Variants in ALDH1L1 observed in about 807,000 individuals in gnomAD.
ALDH1L1 encodes cytosolic 10-formyltetrahydrofolate dehydrogenase.
Under a neutral mutation model 101.1 loss-of-function variants are expected in ALDH1L1, and 68 were observed. The ratio of observed to expected loss-of-function variants is 0.67; its 90% CI spans 0.55 to 0.82. The LOEUF is 0.82. Among genes scored for constraint, ALDH1L1 ranks in the 40% least tolerant of loss-of-function variants. The pLI, the probability that ALDH1L1 is intolerant of heterozygous loss-of-function variation, is 0.00. For synonymous variants in ALDH1L1, 486 were observed against 470.8 expected (o/e 1.03, Z -0.42); for missense variants, 1,087 against 1,172.7 (o/e 0.93, Z 1.07).
upstream of ALDH1L1, among the ~76,000 whole-genome samples, chr3:126,185,884 C>T (rs2081514598): frequency 6.6e-6 from 1 of 152,346 alleles, no homozygotes; most frequent in Non-Finnish European, 1.5e-5. Flanking sequence ...TTCTGACACA[C>T]ATTACAACAT....
At chr3:126,185,353 C>T (rs186930582), upstream of ALDH1L1, among the ~76,000 whole-genome samples, 24 of 152,312 alleles carry the variant, frequency 1.6e-4, no homozygotes, top group Middle Eastern at 6.8e-3. Flanking sequence ...GAGGCAGGGA[C>T]GGTGTCTCTA....
chr3:126,140,063 G>T (rs74800739), intron 9 of ALDH1L1, among the ~76,000 whole-genome samples: 533 of 150,866 alleles, frequency 3.5e-3, no homozygotes, highest in African/African-American at 0.013. Context: ...GACATACAAT[G>T]AATGAAGTCC....
chr3:126,123,879 A>C (rs2080127109), intron 16 of ALDH1L1, among the ~76,000 whole-genome samples: 1 of 152,220 alleles, frequency 6.6e-6, no homozygotes. Flanking sequence ...AAATCCAAAA[A>C]GGAGATAAAA....
intron 4 of ALDH1L1, among the ~76,000 whole-genome samples, chr3:126,156,894 C>A (rs77721801): frequency 0.03 from 4,632 of 152,238 alleles, 268 homozygotes; most frequent in African/African-American, 0.1. Flanking sequence ...GAATTAGAAT[C>A]CTTGAGCTAT....
Position 126,114,611 on chromosome 3 carries a change from C to A in ALDH1L1, c.2028G>T (p.Gly676=). 6.6e-7 allele frequency: 1 copy of A among 1,515,662 alleles called. No individual in the cohort carries two copies. Among genetic ancestry groups the A allele is most frequent in the African/African-American group, 1.4e-5 (1 of 71,848 alleles). The allele number at this position is 1,515,662 out of a possible 1,614,324, so 93.9% of individuals were successfully genotyped here. The change falls in exon 18 of 23, where the codon GGG becomes GGT. Residue 676 remains glycine, a synonymous_variant. Transcript: ENST00000393434. The part of the protein sequence containing the change: ...NVKKVSLELG[G]KSPLIIFADC... ...CAGCAAAGATGATGAGGGGTGACTT[C>A]CCGCCCAGTTCCAGGGACACCTTCT... is the stretch of plus-strand genomic sequence containing the variant.
chr3:126,197,460 C>A (rs190704616), intron 1 of ALDH1L1, among the ~76,000 whole-genome samples: 6 of 152,250 alleles, frequency 3.9e-5, no homozygotes, highest in African/African-American at 1.4e-4. Context: ...ACACCCCCTG[C>A]AATATTACCA....
At chr3:126,153,870 GA>G (rs1470259198) in intron 6 of ALDH1L1, among the ~76,000 whole-genome samples, 1 of 152,254 alleles carries the variant, frequency 6.6e-6, no homozygotes, top group Non-Finnish European at 1.5e-5. Flanking sequence ...CAGACTGGGG[GA>G]GAATGTGCTC....
intron 19 of ALDH1L1, among the ~76,000 whole-genome samples, chr3:126,111,990 C>G (rs561334164): frequency 2.6e-5 from 4 of 152,318 alleles, no homozygotes; most frequent in African/African-American, 7.2e-5. Context: ...CACTCTGGCA[C>G]CATGTGGTGA....
chr3:126,171,411 G>C (rs938899077), intron 1 of ALDH1L1, among the ~76,000 whole-genome samples: 3 of 152,176 alleles, frequency 2.0e-5, no homozygotes, highest in Non-Finnish European at 2.9e-5. Flanking sequence ...CACAGAAGCA[G>C]TCCAAGCCTC....
intron 19 of ALDH1L1, 107 bp downstream of exon 19, chr3:126,112,675 G>A (rs1946116408): frequency 2.8e-6 from 3 of 1,072,448 alleles, no homozygotes; most frequent in Admixed American, 1.8e-5. Context: ...TCCAGGAGGA[G>A]CCCAGCCTCA....
In ALDH1L1 at chr3:126,114,651, G is replaced by A. The variant is rs267599590; in HGVS notation, c.1988C>T (p.Ala663Val). Residue 663 changes from alanine to valine, a missense_variant, in exon 18 of 23, where the codon GCC (alanine) becomes GTC (valine). Ala to Val is a moderately conservative substitution (Grantham distance 64). Coordinates refer to ENST00000393434, the MANE Select transcript of ALDH1L1 (RefSeq NM_012190.4). ...EVGKHIMKSCAISNVKKVSLE... is the reference protein window; with the variant it reads ...EVGKHIMKSCVISNVKKVSLE... ...GGACACCTTCTTCACGTTACTTATG[G>A]CACAGCTGCAAGGAACAGAGGGCTG... 6.6e-7 allele frequency: 1 copy of A among 1,525,716 alleles called. No individual in the cohort carries two copies. Among genetic ancestry groups the A allele is most frequent in the South Asian group, 1.3e-5 (1 of 76,624 alleles). 94.5% of individuals were successfully genotyped at this position (1,525,716 alleles called of 1,614,324 possible).
intron 9 of ALDH1L1, among the ~76,000 whole-genome samples, chr3:126,142,623 A>T (rs2080589204): frequency 6.6e-6 from 1 of 152,244 alleles, no homozygotes; most frequent in African/African-American, 2.4e-5. Context: ...GCAGAAAAAG[A>T]ATTTGACAAA....
chr3:126,153,418 C>T (rs41266445), intron 7 of ALDH1L1, 26 bp downstream of exon 7: 89,123 of 1,611,290 alleles, frequency 0.055, 2,962 homozygotes, highest in African/African-American at 0.12. Context: ...TTTGAGCAGG[C>T]AAGTGACCCA....
chr3:126,163,473 T>C (rs1318685220), intron 1 of ALDH1L1, among the ~76,000 whole-genome samples: 1 of 152,228 alleles, frequency 6.6e-6, no homozygotes, highest in Non-Finnish European at 1.5e-5. Context: ...CACTACAATA[T>C]TGAATACAGA....
At chr3:126,111,431 G>A (rs1009980767) in intron 19 of ALDH1L1, among the ~76,000 whole-genome samples, 12 of 152,358 alleles carry the variant, frequency 7.9e-5, no homozygotes, top group African/African-American at 2.9e-4. Flanking sequence ...CTGCCCCTGA[G>A]TCTCACTGCA....
At chr3:126,146,697 C>G in intron 9 of ALDH1L1, 138 bp downstream of exon 9, 1 of 833,150 alleles carries the variant, frequency 1.2e-6, no homozygotes, top group South Asian at 1.7e-5. Context: ...CGCAGACCTG[C>G]ACACTGGCCC....
chr3:126,170,568 C>T lies in ALDH1L1; in HGVS notation c.-23-9566G>A, dbSNP rs187333620. ...TTAACCGACAGAATCATGGCCATTT[C>T]GCAACTACCCAAAAACATCTACAAA... On this transcript the variant is annotated intron_variant, in intron 1 of 22. Transcript: ENST00000393434. Among the ~76,000 whole-genome samples, 626 of 152,154 alleles carry T rather than the reference C, an allele frequency of 4.1e-3. 5 individuals carry two copies. Among genetic ancestry groups the T allele is most frequent in the African/African-American group, 0.013 (536 of 41,504 alleles).
At chr3:126,144,812 A>C (rs2080640337) in intron 9 of ALDH1L1, among the ~76,000 whole-genome samples, 1 of 152,242 alleles carries the variant, frequency 6.6e-6, no homozygotes, top group Non-Finnish European at 1.5e-5. Flanking sequence ...TATCACACCA[A>C]AAGAACTGGA....
chr3:126,155,383 G>A lies in ALDH1L1; in HGVS notation c.630+19C>T. 1.9e-6 allele frequency: 3 copies of A among 1,606,796 alleles called. No individual in the cohort carries two copies. The highest frequency in any genetic ancestry group is 2.6e-6 in the Non-Finnish European group (3 of 1,175,922). On this transcript the variant is annotated intron_variant, in intron 5 of 22. Transcript: ENST00000393434. ...CTGCTCACAGGCAGGATGAGGGTGT[G>A]GAGGGACCCAGCACTCACCTTGGCT...
Sources: allele counts gnomAD v4.1 joint callset (sites outside exome capture counted in the v4.1 genomes callset), GRCh38; gene constraint gnomAD v4.1.1; transcripts MANE v1.5; gene names NCBI Gene and HGNC (gene_info 2026-07-23, HGNC 2026-07-21).